BMPR1A: variants seen among roughly 807,000 people sequenced by gnomAD.
The protein encoded by BMPR1A is bone morphogenetic protein receptor type-1A.
A neutral mutation model predicts 66.0 loss-of-function variants in BMPR1A; 7 were observed. The observed-to-expected ratio is 0.11, with a 90% CI of 0.06 to 0.20. The LOEUF is 0.20. BMPR1A is among the 10% of genes least tolerant of loss of function. BMPR1A has a pLI of 1.00. For missense variants in BMPR1A, 408 were observed against 669.1 expected, an observed-to-expected ratio of 0.61 and a Z score of 4.31; for synonymous variants, 200 against 229.7, an observed-to-expected ratio of 0.87 and a Z score of 1.17.
rs562065891 is a variant in BMPR1A, at chr10:86,855,352, C to T, written c.-153+16373C>T. Reference sequence around the variant, plus strand: ...TAAGTTTCTATTTGCCACTTCAGGACACACCTGCACTGAACTAGACACTGA... The same window carrying T: ...TAAGTTTCTATTTGCCACTTCAGGATACACCTGCACTGAACTAGACACTGA... On this transcript the variant is annotated intron_variant, in intron 2 of 12. Coordinates refer to ENST00000372037, the MANE Select transcript of BMPR1A (RefSeq NM_004329.3). 45 of 837,726 alleles carry T rather than the reference C, an allele frequency of 5.4e-5. No individual in the cohort carries two copies. The Admixed American group carries it at 5.5e-4, about 10-fold the overall frequency. The allele number at this position is 837,726 out of a possible 1,614,324, so 51.9% of individuals were successfully genotyped here. A position where few individuals can be genotyped will look rare whatever the true frequency, so the allele number is the denominator to read the frequency against.
chr10:86,775,225 C>G (rs1384967031), intron 1 of BMPR1A, among the ~76,000 whole-genome samples: 1 of 152,182 alleles, frequency 6.6e-6, no homozygotes, highest in Non-Finnish European at 1.5e-5. Flanking sequence ...ACGTGGTAAA[C>G]GAGGAAATCC....
At chr10:86,908,549 G>A (rs1015642769) in intron 7 of BMPR1A, among the ~76,000 whole-genome samples, 2 of 152,270 alleles carry the variant, frequency 1.3e-5, no homozygotes, top group South Asian at 2.1e-4. Context: ...CATTTGCTTC[G>A]AGTTGGGGTT....
intron 1 of BMPR1A, among the ~76,000 whole-genome samples, chr10:86,804,992 G>A (rs901899688): frequency 2.0e-5 from 3 of 151,884 alleles, no homozygotes; most frequent in Admixed American, 2.0e-4. Flanking sequence ...CCTAACTCCC[G>A]GTAGCCTCAG....
At chr10:86,784,523 T>C (rs1392151816) in intron 1 of BMPR1A, among the ~76,000 whole-genome samples, 1 of 152,222 alleles carries the variant, frequency 6.6e-6, no homozygotes, top group Admixed American at 6.5e-5. Context: ...AATATGTGCA[T>C]CAAAGTTTAG....
chr10:86,842,116 G>C (rs553747703), intron 2 of BMPR1A, among the ~76,000 whole-genome samples: 1 of 152,304 alleles, frequency 6.6e-6, no homozygotes, highest in South Asian at 2.1e-4. Flanking sequence ...ACCTGGGCTT[G>C]CCATTGGCAT....
At chr10:86,871,683 G>T (rs774062226) in intron 2 of BMPR1A, among the ~76,000 whole-genome samples, 46 of 152,110 alleles carry the variant, frequency 3.0e-4, no homozygotes, top group South Asian at 2.1e-4. Context: ...GGTGACACGT[G>T]CTTGTGGTCC....
chr10:86,895,892 G>A (rs1028893656), intron 5 of BMPR1A, among the ~76,000 whole-genome samples: 1 of 152,078 alleles, frequency 6.6e-6, no homozygotes, highest in African/African-American at 2.4e-5. Context: ...GGTGGCTCAC[G>A]CCTGTAATTC....
chr10:86,901,845 C>T (rs1334911871), intron 7 of BMPR1A, among the ~76,000 whole-genome samples: 3 of 151,940 alleles, frequency 2.0e-5, no homozygotes, highest in South Asian at 2.1e-4. Flanking sequence ...CACAAGGGCA[C>T]TGTAATGTAT....
At chr10:86,920,723 T>C (rs1424694916) in intron 10 of BMPR1A, among the ~76,000 whole-genome samples, 1 of 152,138 alleles carries the variant, frequency 6.6e-6, no homozygotes, top group Non-Finnish European at 1.5e-5. Flanking sequence ...GAAGAAAATG[T>C]AATCCTATGT....
rs149360987 is a variant in BMPR1A, at chr10:86,857,482, C to T, written c.-152-18385C>T. Among the ~76,000 whole-genome samples the T allele has an allele frequency of 4.4e-3, 671 of 152,168 alleles. 7 individuals are homozygous for T. Among genetic ancestry groups the T allele is most frequent in the Non-Finnish European group, 6.1e-3 (414 of 68,010 alleles). ...ATCATTGCTGCATAACAGTTTATCC[C>T]AAAACTTAATGACATGAAACCCTAA... On this transcript the variant is annotated intron_variant, in intron 2 of 12. Coordinates refer to ENST00000372037, the MANE Select transcript of BMPR1A (RefSeq NM_004329.3).
intron 1 of BMPR1A, among the ~76,000 whole-genome samples, chr10:86,808,893 G>A (rs934350339): frequency 3.3e-5 from 5 of 152,016 alleles, no homozygotes; most frequent in East Asian, 1.9e-4. Context: ...GTAATCTTTC[G>A]TTTCTCTGAT....
chr10:86,872,886 G>A (rs908248924), intron 2 of BMPR1A, among the ~76,000 whole-genome samples: 1 of 152,172 alleles, frequency 6.6e-6, no homozygotes, highest in Admixed American at 6.5e-5. Context: ...GATTACAGCT[G>A]AGATTACAGG....
At chr10:86,932,048 G>A (rs1243214281), downstream of BMPR1A, 6 of 152,194 alleles carry the variant, frequency 3.9e-5, no homozygotes, top group Admixed American at 6.5e-5. Context: ...TATAAGGACT[G>A]CCATTTACCC....
At chr10:86,836,301 C>T (rs1842345860) in intron 1 of BMPR1A, among the ~76,000 whole-genome samples, 1 of 114,754 alleles carries the variant, frequency 8.7e-6, no homozygotes, top group African/African-American at 4.4e-5. Context: ...TTGCAAAGGT[C>T]CTAACCTTTA....
At chr10:86,920,460 G>T (rs192959652) in intron 10 of BMPR1A, among the ~76,000 whole-genome samples, 1 of 152,268 alleles carries the variant, frequency 6.6e-6, no homozygotes, top group East Asian at 1.9e-4. Context: ...GAATGGAGTG[G>T]CTGCTTTACA....
chr10:86,797,973 T>G (rs1365656481), intron 1 of BMPR1A, among the ~76,000 whole-genome samples: 1 of 152,130 alleles, frequency 6.6e-6, no homozygotes, highest in East Asian at 1.9e-4. Flanking sequence ...GAGATAAATC[T>G]TAGGAGAGAT....
chr10:86,774,108 C>T (rs985138108), intron 1 of BMPR1A, among the ~76,000 whole-genome samples: 2 of 152,032 alleles, frequency 1.3e-5, no homozygotes, highest in Admixed American at 6.6e-5. Context: ...CCTCGGCCTC[C>T]GAAAGTGCTG....
intron 1 of BMPR1A, among the ~76,000 whole-genome samples, chr10:86,782,510 GTTTT>G (rs1387848612): frequency 2.0e-5 from 3 of 151,340 alleles, no homozygotes; most frequent in Non-Finnish European, 4.4e-5. Context: ...CTGTTTTTTT[GTTTT>G]TTGTTTTTTT....
intron 2 of BMPR1A, among the ~76,000 whole-genome samples, chr10:86,839,327 G>T (rs1013036506): frequency 6.6e-6 from 1 of 152,090 alleles, no homozygotes; most frequent in African/African-American, 2.4e-5. Context: ...ATTAGGCCAG[G>T]TGTGCCTGTA....
Sources: allele counts gnomAD v4.1 joint callset (sites outside exome capture counted in the v4.1 genomes callset), GRCh38; gene constraint gnomAD v4.1.1; transcripts MANE v1.5; gene names NCBI Gene and HGNC (gene_info 2026-07-23, HGNC 2026-07-21).